Variants in MAPK8IP3 observed in about 807,000 individuals in gnomAD.
MAPK8IP3 encodes C-Jun-amino-terminal kinase-interacting protein 3.
Under a neutral mutation model 157.8 loss-of-function variants are expected in MAPK8IP3, and 49 were observed. The ratio of observed to expected loss-of-function variants is 0.31; its 90% CI spans 0.25 to 0.39. The LOEUF is 0.39. Ranked by LOEUF, MAPK8IP3 falls within the 10% of genes least tolerant of loss-of-function variation. The probability of loss-of-function intolerance (pLI) is 1.00; values close to 1 mark genes in which losing one functional copy is unlikely to be tolerated. For missense variants in MAPK8IP3, 1,478 were observed against 1,889.4 expected, an observed-to-expected ratio of 0.78 and a Z score of 4.04; for synonymous variants, 897 against 777.7, an observed-to-expected ratio of 1.15 and a Z score of -2.55.
chr16:1,706,699 C>G lies in MAPK8IP3; in HGVS notation c.318+42C>G, dbSNP rs556574863. On this transcript the variant is annotated intron_variant, in intron 1 of 31. Transcript: ENST00000610761. The surrounding 1 kb of genome is among the most constrained non-coding windows in gnomAD (Gnocchi z 5.1). ...ACCCGCCCGCATCCCCGTCCCGGACCCCCAGCCAGCCCCGGGCCCCGGACC... is the reference window on the plus strand; with the variant it reads ...ACCCGCCCGCATCCCCGTCCCGGACGCCCAGCCAGCCCCGGGCCCCGGACC... The G allele has an allele frequency of 2.1e-5, 31 of 1,493,150 alleles. No individual in the cohort carries two copies. Among genetic ancestry groups the G allele is most frequent in the Non-Finnish European group, 2.8e-5 (31 of 1,122,220 alleles). The allele number at this position is 1,493,150 out of a possible 1,614,324, so 92.5% of individuals were successfully genotyped here.
chr16:1,708,935 G>A (rs113041229), intron 1 of MAPK8IP3, among the ~76,000 whole-genome samples: 24 of 152,312 alleles, frequency 1.6e-4, no homozygotes, highest in African/African-American at 5.5e-4. Context: ...GTGGGTCGGC[G>A]TCTTTTCTAG....
chr16:1,758,902 G>A (rs998367878), intron 9 of MAPK8IP3, 76 bp from the exon 10 acceptor site: 32 of 1,521,282 alleles, frequency 2.1e-5, no homozygotes, highest in East Asian at 6.8e-5. Context: ...GGCTTAACGC[G>A]CTTCTCTTCT....
intron 1 of MAPK8IP3, among the ~76,000 whole-genome samples, chr16:1,721,469 T>C (rs1174582492): frequency 1.3e-5 from 2 of 152,154 alleles, no homozygotes; most frequent in Non-Finnish European, 2.9e-5. Flanking sequence ...AGGATCTCAC[T>C]GTCATCTGGG....
chr16:1,738,776 CGTGTGAGCGTCCGTGTGA>C (rs2040321362), intron 4 of MAPK8IP3, among the ~76,000 whole-genome samples: 1 of 82,530 alleles, frequency 1.2e-5, no homozygotes, highest in Non-Finnish European at 2.3e-5. Flanking sequence ...TCCGTGTGAG[CGTGTGAGCGTCCGTGTGA>C]GTGTGACCAC....
chr16:1,763,351 G>A (rs1462927463), intron 16 of MAPK8IP3, among the ~76,000 whole-genome samples: 1 of 152,278 alleles, frequency 6.6e-6, no homozygotes, highest in Non-Finnish European at 1.5e-5. Flanking sequence ...GTGCCCCGGC[G>A]GCACTCCAGG....
rs754223018 is a variant in MAPK8IP3, at chr16:1,766,546, C to G, written c.2837C>G (p.Pro946Arg). The change falls in exon 23 of 32, where the codon CCT (proline) becomes CGT (arginine). Residue 946 changes from proline (P) to arginine (R), a missense_variant. By Grantham distance (103) the Pro-to-Arg change is moderately radical. Coordinates refer to ENST00000610761, the MANE Select transcript of MAPK8IP3 (RefSeq NM_001318852.2). The stretch of plus-strand genomic sequence containing the variant: ...TCCTGCAGCGAGAACGGGCCAGAGC[C>G]TGACAGCAGCAGCACACGGCCAGAG... Reference protein sequence around the residue: ...PQPGSENGPEPDSSSTRPEPE... With the variant: ...PQPGSENGPERDSSSTRPEPE... 1 of 1,611,932 alleles carries G rather than the reference C, an allele frequency of 6.2e-7. No individual in the cohort carries two copies. The highest frequency in any genetic ancestry group is 1.3e-5 in the African/African-American group (1 of 74,938).
Position 1,710,225 on chromosome 16 carries a change from T to G in MAPK8IP3, c.318+3568T>G, listed in dbSNP as rs2037680473. ...ACCTCAGCCTCCCAACATTTGACATTGAACTCCTGACCTCCTCATCTCAGG... is the reference window on the plus strand; with the variant it reads ...ACCTCAGCCTCCCAACATTTGACATGGAACTCCTGACCTCCTCATCTCAGG... On this transcript the variant is annotated intron_variant, in intron 1 of 31. Coordinates refer to ENST00000610761, the MANE Select transcript of MAPK8IP3 (RefSeq NM_001318852.2). The surrounding 1 kb of genome is among the most constrained non-coding windows in gnomAD (Gnocchi z 4.1). Among the ~76,000 whole-genome samples, 1 of 151,014 alleles carries G rather than the reference T, an allele frequency of 6.6e-6. No individual in the cohort carries two copies. The highest frequency in any genetic ancestry group is 1.5e-5 in the Non-Finnish European group (1 of 67,832).
In MAPK8IP3 at chr16:1,768,761, C is replaced by T. The variant is rs771032017; in HGVS notation, c.3951C>T (p.Pro1317=). 18 of 1,612,818 alleles carry T rather than the reference C, an allele frequency of 1.1e-5. No individual in the cohort carries two copies. The highest frequency in any genetic ancestry group is 2.2e-5 in the South Asian group (2 of 91,088). ...CAGGGGACATGAGCCAGGTGAAGCC[C>T]GTGCTGTCCAAGGCAGAGCGCAGTC... ...EGAGDMSQVK[P]VLSKAERSHI... is the part of the protein sequence containing the mutation. Residue 1317 remains proline (P), a synonymous_variant, in exon 32 of 32, where the codon CCC becomes CCT. Transcript: ENST00000610761.
chr16:1,708,188 GA>G (rs1596525344), intron 1 of MAPK8IP3, among the ~76,000 whole-genome samples: 1 of 152,220 alleles, frequency 6.6e-6, no homozygotes, highest in Admixed American at 6.5e-5. Flanking sequence ...TGGAGGGGCT[GA>G]ACCAAGGTCA....
rs778156874 is a variant in MAPK8IP3, at chr16:1,729,513, T to A, written c.537T>A (p.Ile179=). 6.8e-6 allele frequency: 11 copies of A among 1,612,748 alleles called. No homozygotes were observed. The highest frequency in any genetic ancestry group is 1.1e-5 in the South Asian group (1 of 90,948). Residue 179 remains isoleucine, a synonymous_variant, in exon 4 of 32, where the codon ATT becomes ATA. Coordinates refer to ENST00000610761, the MANE Select transcript of MAPK8IP3 (RefSeq NM_001318852.2). ...TGATACAGACCTACGTGGAGCACAT[T>A]GAGAGGTCCAAGATGCAGCAGGTCG... ...TEMIQTYVEH[I]ERSKMQQVGG...
Position 1,729,577 on chromosome 16 carries a change from A to G in MAPK8IP3, c.601A>G (p.Ser201Gly), listed in dbSNP as rs2039148668. ...SQTESSLPGR[S>G]RKERPTSLNV... ...GACCGAGAGCAGCCTGCCGGGGCGG[A>G]GGTACGCGGGGCGCGGCGGGGTGGA... Residue 201 changes from serine to glycine, a missense_variant and splice_region_variant, in exon 4 of 32, where the codon AGC becomes GGC. By Grantham distance (56) the Ser-to-Gly change is moderately conservative. Around this residue, in one of 11 missense-constraint regions of MAPK8IP3, gnomAD observed 315 missense variants for 394.4 expected, o/e 0.80. Coordinates refer to ENST00000610761, the MANE Select transcript of MAPK8IP3 (RefSeq NM_001318852.2). 1 of 1,592,342 alleles carries G rather than the reference A, an allele frequency of 6.3e-7. No individual in the cohort carries two copies. Among genetic ancestry groups the G allele is most frequent in the East Asian group, 2.3e-5 (1 of 44,340 alleles).
At chr16:1,726,949 A>G (rs1178353997) in intron 2 of MAPK8IP3, among the ~76,000 whole-genome samples, 1 of 152,154 alleles carries the variant, frequency 6.6e-6, no homozygotes, top group Non-Finnish European at 1.5e-5. Context: ...TGCAGTGTCT[A>G]TAACTCGTGT....
intron 2 of MAPK8IP3, 144 bp from the exon 3 acceptor site, chr16:1,728,994 G>T (rs550490760): frequency 2.8e-5 from 21 of 745,646 alleles, no homozygotes; most frequent in Non-Finnish European, 4.5e-5. Flanking sequence ...AGACGGCCTT[G>T]CACTTGCCGG....
intron 1 of MAPK8IP3, among the ~76,000 whole-genome samples, chr16:1,720,023 G>A (rs913407746): frequency 2.6e-5 from 4 of 152,140 alleles, no homozygotes; most frequent in Admixed American, 6.5e-5. Context: ...ATACAAAGAC[G>A]TGTGTGCACA....
chr16:1,737,166 ATCCGTGTGAGCGTGTGACCG>A (rs2040002169), intron 4 of MAPK8IP3, among the ~76,000 whole-genome samples: 2 of 37,618 alleles, frequency 5.3e-5, no homozygotes, highest in Non-Finnish European at 9.7e-5. Context: ...CCGTGTGAGC[ATCCGTGTGAGCGTGTGACCG>A]TCCGTGTGAG....
Position 1,761,312 on chromosome 16 carries a change from C to G in MAPK8IP3, c.1539+7C>G. On this transcript the variant is annotated splice_region_variant and intron_variant, in intron 13 of 31. Coordinates refer to ENST00000610761, the MANE Select transcript of MAPK8IP3 (RefSeq NM_001318852.2). ...CTATCTCTGTACAGAATCGGTACAT[C>G]CACTCTTCACTCTTCACATGCGGGG... The G allele has an allele frequency of 6.2e-7, 1 of 1,611,456 alleles. No homozygotes were observed. Among genetic ancestry groups the G allele is most frequent in the Non-Finnish European group, 8.5e-7 (1 of 1,178,588 alleles).
At chr16:1,735,632 ACTGT>A (rs1340046630) in intron 4 of MAPK8IP3, among the ~76,000 whole-genome samples, 2 of 127,702 alleles carry the variant, frequency 1.6e-5, no homozygotes, top group East Asian at 2.5e-4. Context: ...CATCCGTGTG[ACTGT>A]CCATGTGAGT....
chr16:1,767,853 T>A lies in MAPK8IP3; in HGVS notation c.3458T>A (p.Val1153Asp). ...TTCGTACGCATCACGGCCCTGCTTG[T>A]CGCGGGCAGCCGGCTCTGGGTGGGC... is the stretch of plus-strand genomic sequence containing the variant. ...FSFVRITALL[V>D]AGSRLWVGTG... The change falls in exon 28 of 32, where the codon GTC becomes GAC. Residue 1153 changes from valine to aspartate, a missense_variant. Physicochemically the swap from Val to Asp is radical, Grantham distance 152 (BLOSUM62 -3). Around this residue, in one of 11 missense-constraint regions of MAPK8IP3, gnomAD observed 68 missense variants for 125.1 expected, o/e 0.54. Transcript: ENST00000610761. 6.2e-7 allele frequency: 1 copy of A among 1,611,266 alleles called. No individual in the cohort carries two copies. The highest frequency in any genetic ancestry group is 8.5e-7 in the Non-Finnish European group (1 of 1,179,886).
chr16:1,729,301 G>A (rs940100031), intron 3 of MAPK8IP3, 93 bp downstream of exon 3: 1 of 1,441,758 alleles, frequency 6.9e-7, no homozygotes, highest in Non-Finnish European at 9.7e-7. Flanking sequence ...TTTCTTCCCT[G>A]GCATGTCCCT....
Sources: allele counts gnomAD v4.1 joint callset (sites outside exome capture counted in the v4.1 genomes callset), GRCh38; gene constraint gnomAD v4.1.1; regional missense constraint gnomAD v4.1.1; non-coding constraint Gnocchi (gnomAD v3.1); transcripts MANE v1.5; gene names NCBI Gene and HGNC (gene_info 2026-07-23, HGNC 2026-07-21).